WDR62: variants seen among roughly 807,000 people sequenced by gnomAD.
The protein encoded by WDR62 is WD repeat domain 62.
WDR62 carries 112 observed loss-of-function variants against 160.6 expected under a neutral mutation model. That is an observed-to-expected ratio of 0.70 (90% confidence interval 0.60 to 0.82). WDR62 has a LOEUF of 0.82. WDR62 is among the 40% of genes least tolerant of loss of function. The pLI is 0.00. For synonymous variants in WDR62, 792 were observed against 815.1 expected (o/e 0.97, Z 0.48); for missense variants, 1,819 against 1,983.8 (o/e 0.92, Z 1.58).
At chr19:36,065,898 A>G (rs752934380) in intron 3 of WDR62, 60 bp from the exon 4 acceptor site, 3 of 1,554,170 alleles carry the variant, frequency 1.9e-6, no homozygotes, top group Non-Finnish European at 2.7e-6. Flanking sequence ...AGTCGCCAGG[A>G]TGGGGTCTGG....
At chr19:36,098,529 C>T (rs1251080053) in intron 21 of WDR62, among the ~76,000 whole-genome samples, 1 of 150,104 alleles carries the variant, frequency 6.7e-6, no homozygotes, top group Non-Finnish European at 1.5e-5. Flanking sequence ...CATGCCACTG[C>T]ACTCCAGCCT....
intron 3 of WDR62, among the ~76,000 whole-genome samples, chr19:36,063,247 T>A (rs893682455): frequency 3.3e-5 from 5 of 150,462 alleles, no homozygotes; most frequent in African/African-American, 1.2e-4. Flanking sequence ...CTGGCCACTT[T>A]TTTTTGTTTT....
chr19:36,083,553 A>C (rs545841339), intron 11 of WDR62, among the ~76,000 whole-genome samples: 104 of 152,266 alleles, frequency 6.8e-4, no homozygotes, highest in Non-Finnish European at 1.4e-3. Flanking sequence ...ACCAGTGCTG[A>C]ACTGTCACCG....
rs1347484504 is a variant in WDR62, at chr19:36,081,508, A to G, written c.1309A>G (p.Ile437Val). 1 of 1,614,222 alleles carries G rather than the reference A, an allele frequency of 6.2e-7. No homozygotes were observed. The highest frequency in any genetic ancestry group is 2.2e-5 in the East Asian group (1 of 44,884). ...TCTGACTTGTTCTTCAGACAACACC[A>G]TTCGCTTCTGGAACTTGGACAGCAG... ...SFLTCSSDNT[I>V]RFWNLDSSPD... The change falls in exon 10 of 32, where the codon ATT becomes GTT. Residue 437 changes from isoleucine (I) to valine (V), a missense_variant. Ile to Val is a conservative substitution (Grantham distance 29). Transcript: ENST00000401500.
chr19:36,101,464 C>T, intron 24 of WDR62, 147 bp downstream of exon 24: 1 of 851,488 alleles, frequency 1.2e-6, no homozygotes, highest in Non-Finnish European at 1.9e-6. Flanking sequence ...CCTGAGGATT[C>T]TGGGCCCAGC....
Position 36,103,397 on chromosome 19 carries a change from C to T in WDR62, c.3569C>T (p.Thr1190Ile). 6.2e-7 allele frequency: 1 copy of T among 1,614,104 alleles called. No homozygotes were observed. The highest frequency in any genetic ancestry group is 8.5e-7 in the Non-Finnish European group (1 of 1,180,020). The change falls in exon 30 of 32, where the codon ACA becomes ATA. Residue 1190 changes from threonine (T) to isoleucine (I), a missense_variant. Physicochemically the swap from Thr to Ile is moderately conservative, Grantham distance 89. Around this residue, in one of 3 missense-constraint regions of WDR62, gnomAD observed 770 missense variants for 734.2 expected, o/e 1.05. Transcript: ENST00000401500. Reference protein sequence around the residue: ...SCVPASSVLPTDRNLPTPTSA... With the variant: ...SCVPASSVLPIDRNLPTPTSA... Reference sequence around the variant, plus strand: ...GTCCCTGCTTCCTCCGTGCTGCCCACAGACAGGAATCTCCCAACGCCCACA... The same window carrying T: ...GTCCCTGCTTCCTCCGTGCTGCCCATAGACAGGAATCTCCCAACGCCCACA...
rs754790140 is a variant in WDR62, at chr19:36,058,882, A to G, written c.269+11A>G. The G allele has an allele frequency of 3.2e-6, 5 of 1,584,596 alleles. No homozygotes were observed. The African/African-American group carries it at 6.7e-5, about 21-fold the overall frequency. ...GGCCTACCTGGCAGGGTAAGCAGAT[A>G]AGGGCCTCGACGTCTAATCATTGCT... On this transcript the variant is annotated intron_variant, in intron 2 of 31. Transcript: ENST00000401500.
intron 10 of WDR62, among the ~76,000 whole-genome samples, chr19:36,082,592 A>G (rs1049768787): frequency 1.3e-5 from 2 of 152,198 alleles, no homozygotes; most frequent in Non-Finnish European, 2.9e-5. Flanking sequence ...TGTGACATAC[A>G]TGCTGTTTTT....
intron 7 of WDR62, among the ~76,000 whole-genome samples, chr19:36,069,146 GACTGGGCGGCTGGCCGGGC>G (rs1271617543): frequency 2.0e-5 from 3 of 151,504 alleles, no homozygotes; most frequent in Non-Finnish European, 2.9e-5. Flanking sequence ...CTCCCTCCCG[GACTGGGCGGCTGGCCGGGC>G]GGGGGCTGAC....
rs1164827525 is a variant in WDR62 at position 36,091,439 on chromosome 19, TCA to T, written c.2186_2187del (p.His729LeufsTer31). ...TSMKFTYDCHHLITVSGDSCV... is the reference protein window; with the variant it reads ...TSMKFTYDCHXLITVSGDSCV... ...GCATGAAGTTCACCTATGACTGTCA[TCA>T]CTTGATCACAGTATCTGGAGACAGG... On this transcript the variant is annotated frameshift_variant, in exon 18 of 32. Coordinates refer to ENST00000401500, the MANE Select transcript of WDR62 (RefSeq NM_001083961.2). LOFTEE classifies it high-confidence loss of function. 2 of 1,601,380 alleles carry T rather than the reference TCA, an allele frequency of 1.2e-6. No individual in the cohort carries two copies. Among genetic ancestry groups the T allele is most frequent in the Non-Finnish European group, 8.5e-7 (1 of 1,172,248 alleles).
At position 36,103,675 on chromosome 19, in the gene WDR62, C is replaced by T. The variant is rs780163501; in HGVS notation, c.3847C>T (p.Pro1283Ser). 3.1e-6 allele frequency: 5 copies of T among 1,610,320 alleles called. No homozygotes were observed. The highest frequency in any genetic ancestry group is 4.2e-6 in the Non-Finnish European group (5 of 1,180,010). Reference sequence around the variant, plus strand: ...CAGTTTGGACAGTGAGGGCCAAGAGCCTGCCCTGCGTTCCTGGGGCAACCA... The same window carrying T: ...CAGTTTGGACAGTGAGGGCCAAGAGTCTGCCCTGCGTTCCTGGGGCAACCA... ...TPSLDSEGQE[P>S]ALRSWGNHEA... The change falls in exon 30 of 32, where the codon CCT becomes TCT. Residue 1283 changes from proline to serine, a missense_variant. Pro to Ser is a moderately conservative substitution (Grantham distance 74). Around this residue, in one of 3 missense-constraint regions of WDR62, gnomAD observed 770 missense variants for 734.2 expected, o/e 1.05. Coordinates refer to ENST00000401500, the MANE Select transcript of WDR62 (RefSeq NM_001083961.2).
intron 3 of WDR62, among the ~76,000 whole-genome samples, chr19:36,065,308 C>T (rs1049807871): frequency 2.6e-5 from 4 of 151,986 alleles, no homozygotes; most frequent in African/African-American, 4.8e-5. Flanking sequence ...TACCATCTCA[C>T]GTAGGGAGAC....
Position 36,101,789 on chromosome 19 carries a change from GAC to G in WDR62, c.3082+18_3082+19del. On this transcript the variant is annotated intron_variant, in intron 25 of 31. Coordinates refer to ENST00000401500, the MANE Select transcript of WDR62 (RefSeq NM_001083961.2). ...CCATTTCCCAGGTAAGCAGGGGCCA[GAC>G]ACGCAGGGGACTCGCTGCTCGGGCC... 20 of 1,547,738 alleles carry G rather than the reference GAC, an allele frequency of 1.3e-5. No homozygotes were observed. The highest frequency in any genetic ancestry group is 1.7e-5 in the Non-Finnish European group (20 of 1,143,756).
chr19:36,074,566 G>C (rs1254792954), intron 9 of WDR62, among the ~76,000 whole-genome samples: 2 of 152,134 alleles, frequency 1.3e-5, no homozygotes, highest in Non-Finnish European at 2.9e-5. Flanking sequence ...CGGCAGGGGG[G>C]CTGAAAATTT....
chr19:36,069,113 G>C (rs1376222528), intron 7 of WDR62, among the ~76,000 whole-genome samples: 3 of 151,426 alleles, frequency 2.0e-5, no homozygotes, highest in Non-Finnish European at 1.5e-5. Flanking sequence ...GCGGCTGGCC[G>C]GGCGGGGGCT....
rs79238222 is a variant in WDR62 at position 36,090,463 on chromosome 19, C to T, written c.1977C>T (p.Asn659=). The stretch of plus-strand genomic sequence containing the variant: ...TCCCCAGAGTCTACAACACTGTGAA[C>T]GGGAAGCAGAAGAAGTGCTACAAGG... ...DRNVRVYNTV[N]GKQKKCYKGS... is the part of the protein sequence containing the mutation. Residue 659 remains asparagine, a synonymous_variant, in exon 16 of 32, where the codon AAC becomes AAT. Transcript: ENST00000401500. 103 of 1,614,042 alleles carry T rather than the reference C, an allele frequency of 6.4e-5. No homozygotes were observed. Among genetic ancestry groups the T allele is most frequent in the Non-Finnish European group, 8.3e-5 (98 of 1,179,972 alleles).
In WDR62 at chr19:36,086,796, C is replaced by A. The variant is rs752866383; in HGVS notation, c.1752C>A (p.Thr584=). 2 of 1,609,738 alleles carry A rather than the reference C, an allele frequency of 1.2e-6. No individual in the cohort carries two copies. Among genetic ancestry groups the A allele is most frequent in the East Asian group, 2.2e-5 (1 of 44,766 alleles). The part of the protein sequence containing the change: ...QTLDDHSSSI[T]AIKFAGNRDI... ...TGGATGACCACTCCTCCTCCATCAC[C>A]GCCATCAAGTTCGCTGGTGAGCCCC... Residue 584 remains threonine (T), a synonymous_variant, in exon 13 of 32, where the codon ACC becomes ACA. Transcript: ENST00000401500.
chr19:36,073,767 C>G, intron 9 of WDR62: 1 of 587,648 alleles, frequency 1.7e-6, no homozygotes, highest in Non-Finnish European at 3.2e-6. Flanking sequence ...GCAGCAGTAA[C>G]CCTCTGAAGA....
chr19:36,077,373 C>T (rs1020346449), intron 9 of WDR62, among the ~76,000 whole-genome samples: 21 of 150,632 alleles, frequency 1.4e-4, no homozygotes, highest in Middle Eastern at 3.2e-3. Flanking sequence ...CTCCGCCTCC[C>T]GGGTTCACGC....
Sources: allele counts gnomAD v4.1 joint callset (sites outside exome capture counted in the v4.1 genomes callset), GRCh38; gene constraint gnomAD v4.1.1; regional missense constraint gnomAD v4.1.1; transcripts MANE v1.5; gene names NCBI Gene and HGNC (gene_info 2026-07-23, HGNC 2026-07-21).